The following SYCP2 variants were observed in gnomAD, a reference collection of about 807,000 sequenced individuals.
The protein encoded by SYCP2 is synaptonemal complex protein 2.
In SYCP2, 55 loss-of-function variants were observed where a neutral mutation model predicts 211.3. The observed-to-expected ratio is 0.26, with a 90% CI of 0.21 to 0.33. The LOEUF (loss-of-function observed/expected upper bound fraction) is 0.33, where lower values mean the gene tolerates loss of function less well. Among genes scored for constraint, SYCP2 ranks in the 10% least tolerant of loss-of-function variants. The pLI is 1.00. For synonymous variants in SYCP2, 570 were observed against 555.2 expected (o/e 1.03, Z -0.37); for missense variants, 1,731 against 1,752.0 (o/e 0.99, Z 0.21).
intron 5 of SYCP2, among the ~76,000 whole-genome samples, chr20:59,919,812 T>C (rs1432583106): frequency 6.6e-6 from 1 of 151,732 alleles, no homozygotes; most frequent in Admixed American, 6.6e-5. Context: ...GAAGTTAATT[T>C]TGATTCCATG....
At chr20:59,887,178 T>C (rs906692666) in intron 24 of SYCP2, among the ~76,000 whole-genome samples, 1 of 147,472 alleles carries the variant, frequency 6.8e-6, no homozygotes, top group Non-Finnish European at 1.5e-5. Flanking sequence ...CAGGCCCCAG[T>C]GTGTGATGTT....
chr20:59,892,636 G>C lies in SYCP2; in HGVS notation c.1859C>G (p.Pro620Arg). The change falls in exon 23 of 45, where the codon CCT (proline) becomes CGT (arginine). Residue 620 changes from proline to arginine, a missense_variant. Physicochemically the swap from Pro to Arg is moderately radical, Grantham distance 103. Around this residue, in one of 3 missense-constraint regions of SYCP2, gnomAD observed 1,387 missense variants for 1,351.3 expected, o/e 1.03. Transcript: ENST00000357552. ...ATTACATAGTTCAATGTTTGTTACAGGTGTCCAACATGCCCATTTGCTGTG... is the reference window on the plus strand; with the variant it reads ...ATTACATAGTTCAATGTTTGTTACACGTGTCCAACATGCCCATTTGCTGTG... ...KIHSKWACWT[P>R]VTNIELCNNQ... 1 of 1,610,608 alleles carries C rather than the reference G, an allele frequency of 6.2e-7. No homozygotes were observed. The highest frequency in any genetic ancestry group is 8.5e-7 in the Non-Finnish European group (1 of 1,178,114).
intron 35 of SYCP2, among the ~76,000 whole-genome samples, chr20:59,871,164 C>A (rs1404551689): frequency 6.6e-6 from 1 of 151,706 alleles, no homozygotes; most frequent in East Asian, 1.9e-4. Flanking sequence ...TAAGAAAAAT[C>A]AAGCAATGCA....
chr20:59,900,452 T>C (rs759765649), intron 17 of SYCP2, among the ~76,000 whole-genome samples, 168 bp from the exon 18 acceptor site: 1 of 152,080 alleles, frequency 6.6e-6, no homozygotes, highest in Non-Finnish European at 1.5e-5. Context: ...AAAGTATCCA[T>C]TTTTTCAAAC....
intron 2 of SYCP2, among the ~76,000 whole-genome samples, 184 bp from the exon 3 acceptor site, chr20:59,922,643 G>T (rs1018248604): frequency 5.3e-5 from 8 of 151,606 alleles, no homozygotes; most frequent in Admixed American, 2.0e-4. Flanking sequence ...CTAGAGAAAA[G>T]CCTGAAGATC....
chr20:59,881,566 A>G, intron 28 of SYCP2, 74 bp from the exon 29 acceptor site: 3 of 738,808 alleles, frequency 4.1e-6, no homozygotes, highest in Non-Finnish European at 6.3e-6. Flanking sequence ...TAAACATAAA[A>G]TCTAGTTTTG....
chr20:59,922,494 A>C (rs1600989857), intron 2 of SYCP2, 35 bp from the exon 3 acceptor site: 2 of 1,069,026 alleles, frequency 1.9e-6, no homozygotes, highest in Admixed American at 5.1e-5. Context: ...TGTATCTCAC[A>C]ATCTGTTTCA....
chr20:59,898,986 T>A (rs1033956629), intron 18 of SYCP2, among the ~76,000 whole-genome samples: 1 of 152,174 alleles, frequency 6.6e-6, no homozygotes, highest in African/African-American at 2.4e-5. Context: ...CAAAATTTAT[T>A]CAGTCAGTGG....
chr20:59,892,965 T>C (rs2059936589), intron 22 of SYCP2, among the ~76,000 whole-genome samples, 177 bp downstream of exon 22: 1 of 151,930 alleles, frequency 6.6e-6, no homozygotes, highest in Non-Finnish European at 1.5e-5. Context: ...AAAAGAGTTA[T>C]ATTGGACCAC....
chr20:59,901,720 T>C lies in SYCP2; in HGVS notation c.1124A>G (p.Asp375Gly). Reference protein sequence around the residue: ...REGKELLLYFDASLEITNVTQ... With the variant: ...REGKELLLYFGASLEITNVTQ... Reference sequence around the variant, plus strand: ...TACATTAGTGATTTCTAGTGATGCGTCAAAATACAAAAGCAATTCTTTCCC... The same window carrying C: ...TACATTAGTGATTTCTAGTGATGCGCCAAAATACAAAAGCAATTCTTTCCC... Residue 375 changes from aspartate to glycine, a missense_variant, in exon 16 of 45, where the codon GAC (aspartate) becomes GGC (glycine). This residue lies in a region of SYCP2 where 1,387 missense variants were observed against 1,351.3 expected (regional missense o/e 1.03). Coordinates refer to ENST00000357552, the MANE Select transcript of SYCP2 (RefSeq NM_014258.4). 6.2e-7 allele frequency: 1 copy of C among 1,607,242 alleles called. No individual in the cohort carries two copies. The highest frequency in any genetic ancestry group is 2.2e-5 in the East Asian group (1 of 44,572).
intron 18 of SYCP2, among the ~76,000 whole-genome samples, chr20:59,898,279 T>C (rs1026839297): frequency 1.3e-5 from 2 of 152,214 alleles, no homozygotes; most frequent in African/African-American, 2.4e-5. Context: ...GGTATGTTTA[T>C]TGCAGCATTA....
At chr20:59,876,369 C>CAAAAAA (rs765782164) in intron 33 of SYCP2, among the ~76,000 whole-genome samples, 341 of 23,088 alleles carry the variant, frequency 0.015, 58 homozygotes, top group Non-Finnish European at 0.017. Flanking sequence ...GGCTGTGTCT[C>CAAAAAA]AAAAAAAAAA....
chr20:59,929,663 T>C (rs142853876), intron 2 of SYCP2, among the ~76,000 whole-genome samples: 265 of 151,364 alleles, frequency 1.8e-3, no homozygotes, highest in African/African-American at 6.3e-3. Flanking sequence ...TTATGTAAAA[T>C]CTAAAGTATA....
Position 59,892,147 on chromosome 20 carries a change from G to A in SYCP2, c.2207C>T (p.Ser736Leu), listed in dbSNP as rs764326598. ...SVLLNKTIEE[S>L]LIYRKKYILS... is the part of the protein sequence containing the mutation. Reference sequence around the variant, plus strand: ...TATGTATTTCTTCCTATATATCAGCGATTCTTCAATTGTCTTATTTAGGAG... The same window carrying A: ...TATGTATTTCTTCCTATATATCAGCAATTCTTCAATTGTCTTATTTAGGAG... Residue 736 changes from serine (S) to leucine (L), a missense_variant, in exon 24 of 45, where the codon TCG becomes TTG. Physicochemically the swap from Ser to Leu is moderately radical, Grantham distance 145. Coordinates refer to ENST00000357552, the MANE Select transcript of SYCP2 (RefSeq NM_014258.4). 9.9e-6 allele frequency: 16 copies of A among 1,611,838 alleles called. No individual in the cohort carries two copies. Among genetic ancestry groups the A allele is most frequent in the African/African-American group, 8.0e-5 (6 of 74,730 alleles).
At chr20:59,917,491 ATTTAC>A (rs145461198) in intron 7 of SYCP2, among the ~76,000 whole-genome samples, 2,516 of 152,128 alleles carry the variant, frequency 0.017, 81 homozygotes, top group African/African-American at 0.058. Flanking sequence ...AGATACAATT[ATTTAC>A]TTTAAAAATC....
At chr20:59,891,928 T>C in intron 24 of SYCP2, 62 bp downstream of exon 24, 1 of 1,383,210 alleles carries the variant, frequency 7.2e-7, no homozygotes, top group Non-Finnish European at 9.8e-7. Flanking sequence ...TTTCTTTCTT[T>C]CTTATGTTAT....
chr20:59,879,357 A>T (rs768974119), intron 31 of SYCP2, among the ~76,000 whole-genome samples: 1,805 of 152,056 alleles, frequency 0.012, 128 homozygotes, highest in Admixed American at 0.099. Flanking sequence ...CCTCTCACCT[A>T]AATTTCAAGA....
chr20:59,918,544 C>T (rs774740598), intron 7 of SYCP2, among the ~76,000 whole-genome samples: 19 of 152,150 alleles, frequency 1.2e-4, no homozygotes, highest in Non-Finnish European at 2.2e-4. Context: ...TCCACATAAC[C>T]TTCAATTGGA....
chr20:59,911,615 T>A (rs2060328727), intron 14 of SYCP2, 135 bp downstream of exon 14: 1 of 403,694 alleles, frequency 2.5e-6, no homozygotes, highest in Non-Finnish European at 4.5e-6. Flanking sequence ...GCTATGCTAA[T>A]CAAACTACTA....
Sources: allele counts gnomAD v4.1 joint callset (sites outside exome capture counted in the v4.1 genomes callset), GRCh38; gene constraint gnomAD v4.1.1; regional missense constraint gnomAD v4.1.1; transcripts MANE v1.5; gene names NCBI Gene and HGNC (gene_info 2026-07-23, HGNC 2026-07-21).